The following KRT2 variants were observed in gnomAD, a reference collection of about 807,000 sequenced individuals.
KRT2 encodes the protein keratin 2.
Under a neutral mutation model 48.5 loss-of-function variants are expected in KRT2, and 37 were observed. The observed-to-expected ratio is 0.76, with a 90% CI of 0.59 to 1.00. The LOEUF (loss-of-function observed/expected upper bound fraction) is 1.00, where lower values mean the gene tolerates loss of function less well. Ranked by LOEUF, KRT2 falls within the 50% of genes least tolerant of loss-of-function variation. The pLI, the probability that KRT2 is intolerant of heterozygous loss-of-function variation, is 0.00. For missense variants in KRT2, 880 were observed against 815.2 expected, an observed-to-expected ratio of 1.08 and a Z score of -0.97; for synonymous variants, 324 against 312.2, an observed-to-expected ratio of 1.04 and a Z score of -0.40.
At position 52,649,857 on chromosome 12, in the gene KRT2, A is replaced by C. The variant is rs893294300; in HGVS notation, c.861+57T>G. 1.3e-5 allele frequency: 18 copies of C among 1,338,458 alleles called. 1 individual carries two copies. The South Asian group carries it at 2.1e-4, about 16-fold the overall frequency. 82.9% of individuals were successfully genotyped at this position (1,338,458 alleles called of 1,614,324 possible). On this transcript the variant is annotated intron_variant, in intron 3 of 8. Transcript: ENST00000309680. ...ATTTCCAAACTGGCTGCTTAGACAC[A>C]ATGGGGCTGTGAAGCACTCCTATCC... is the stretch of plus-strand genomic sequence containing the variant.
In KRT2 at chr12:52,647,748, G is replaced by A. The variant is rs753421351; in HGVS notation, c.1230C>T (p.Ile410=). 1.2e-5 allele frequency: 20 copies of A among 1,613,676 alleles called. 1 individual carries two copies. The highest frequency in any genetic ancestry group is 1.6e-4 in the Middle Eastern group (1 of 6,084). ...NRVIQRLQGE[I]AHVKKQCKNV... is the part of the protein sequence containing the mutation. ...GCCTCACCTGCTTCTTCACATGTGC[G>A]ATCTCCCCCTGCAGCCTCTGGATCA... Residue 410 remains isoleucine (I), a synonymous_variant, in exon 6 of 9, where the codon ATC becomes ATT. Transcript: ENST00000309680.
chr12:52,648,924 G>A (rs1941208424), intron 4 of KRT2, 83 bp downstream of exon 4: 2 of 916,514 alleles, frequency 2.2e-6, no homozygotes, highest in Non-Finnish European at 3.7e-6. Context: ...CCCCACTTCT[G>A]CCACTTTTTC....
intron 7 of KRT2, 88 bp from the exon 8 acceptor site, chr12:52,645,657 A>C: frequency 1.5e-6 from 2 of 1,376,326 alleles, no homozygotes; most frequent in South Asian, 2.3e-5. Context: ...GCAAATGTGC[A>C]GTTTAGCCTC....
intron 6 of KRT2, 93 bp from the exon 7 acceptor site, chr12:52,647,053 T>C (rs1592255631): frequency 8.4e-7 from 1 of 1,186,372 alleles, no homozygotes; most frequent in Non-Finnish European, 1.2e-6. Context: ...CCACTGGCCC[T>C]GGGAGTGTTA....
chr12:52,647,388 G>T (rs936833941), intron 6 of KRT2, among the ~76,000 whole-genome samples: 2 of 152,178 alleles, frequency 1.3e-5, no homozygotes, highest in Admixed American at 1.3e-4. Flanking sequence ...TGGTGCTCAG[G>T]GCCTGTGCTG....
intron 1 of KRT2, chr12:52,650,760 T>C: frequency 1.6e-6 from 1 of 626,346 alleles, no homozygotes; most frequent in Non-Finnish European, 2.9e-6. Flanking sequence ...TCCGGCTCTC[T>C]CCACGCAGAG....
In KRT2 at chr12:52,651,705, G is replaced by T. The variant is rs1941250300; in HGVS notation, c.438C>A (p.Tyr146Ter). 2 of 1,614,020 alleles carry T rather than the reference G, an allele frequency of 1.2e-6. No individual in the cohort carries two copies. The highest frequency in any genetic ancestry group is 3.3e-4 in the Middle Eastern group (2 of 6,062). Residue 146 changes from tyrosine to a stop codon, truncating the protein, a stop_gained, in exon 1 of 9, where the codon TAC becomes TAA. Coordinates refer to ENST00000309680, the MANE Select transcript of KRT2 (RefSeq NM_000423.3). LOFTEE classifies it high-confidence loss of function. The part of the protein sequence containing the change: ...GGPGGFGPGG[Y>*]PGGIHEVSVN... The stretch of plus-strand genomic sequence containing the variant: ...CAGAGACTTCGTGGATGCCACCAGG[G>T]TATCCTCCAGGCCCAAAGCCACCAG...
At chr12:52,646,679 T>C (rs1592255378) in intron 7 of KRT2, 61 bp downstream of exon 7, 4 of 1,588,340 alleles carry the variant, frequency 2.5e-6, no homozygotes, top group Non-Finnish European at 3.5e-6. Context: ...CCTCCAGCCC[T>C]GGCTCTGGGA....
Position 52,650,541 on chromosome 12 carries a change from C to A in KRT2, c.598G>T (p.Glu200Ter). ...GTCTGTAACACCTGGTTCTGCTGCT[C>A]CAAGAACCGCACCTGCCATGACCAG... is the stretch of plus-strand genomic sequence containing the variant. The part of the protein sequence containing the change: ...ASFIDKVRFL[E>*]QQNQVLQTKW... Residue 200 changes from glutamate (E) to a stop codon, truncating the protein, a stop_gained, in exon 2 of 9, where the codon GAG (glutamate) becomes TAG (stop). Coordinates refer to ENST00000309680, the MANE Select transcript of KRT2 (RefSeq NM_000423.3). LOFTEE classifies it high-confidence loss of function. 6.2e-7 allele frequency: 1 copy of A among 1,612,016 alleles called. No homozygotes were observed. Among genetic ancestry groups the A allele is most frequent in the South Asian group, 1.1e-5 (1 of 90,982 alleles).
At position 52,648,258 on chromosome 12, in the gene KRT2, TCCAAGTC is replaced by T; in HGVS notation, c.1030_1036del (p.Asp344IlefsTer35). 1 of 1,614,144 alleles carries T rather than the reference TCCAAGTC, an allele frequency of 6.2e-7. No homozygotes were observed. Among genetic ancestry groups the T allele is most frequent in the South Asian group, 1.1e-5 (1 of 91,080 alleles). The stretch of plus-strand genomic sequence containing the variant: ...GGCCTTGACCTCGGCGATGATGCTA[TCCAAGTC>T]CAGGTTGCGGCTGTTGTCCATGGAG... On this transcript the variant is annotated frameshift_variant, in exon 5 of 9. Transcript: ENST00000309680. LOFTEE classifies it high-confidence loss of function.
At chr12:52,651,295 G>T (rs1483431681) in intron 1 of KRT2, among the ~76,000 whole-genome samples, 2 of 152,088 alleles carry the variant, frequency 1.3e-5, no homozygotes, top group African/African-American at 2.4e-5. Flanking sequence ...CATTTTTTAT[G>T]GTTTTCAGAA....
At chr12:52,650,216 G>T (rs758266162) in intron 2 of KRT2, 123 bp downstream of exon 2, 11 of 895,512 alleles carry the variant, frequency 1.2e-5, no homozygotes, top group Non-Finnish European at 2.1e-5. Context: ...AATCAACAAA[G>T]ATACATATGC....
Position 52,650,434 on chromosome 12 carries a change from G to T in KRT2, c.705C>A (p.Ser235Arg), listed in dbSNP as rs756326811. Residue 235 changes from serine to arginine, a missense_variant, in exon 2 of 9, where the codon AGC becomes AGA. Transcript: ENST00000309680. ...TGAGCCCATCCAGATATCTCTTGAG[G>T]CTGTCGATATACCCCTGGAAGATGG... ...LEPIFQGYID[S>R]LKRYLDGLTA... 7 of 1,614,138 alleles carry T rather than the reference G, an allele frequency of 4.3e-6. No homozygotes were observed. Among genetic ancestry groups the T allele is most frequent in the East Asian group, 2.2e-5 (1 of 44,892 alleles).
chr12:52,650,201 C>G (rs1425193549), intron 2 of KRT2, 138 bp downstream of exon 2: 15 of 853,174 alleles, frequency 1.8e-5, no homozygotes, highest in Non-Finnish European at 2.6e-5. Flanking sequence ...GTCTTCCTCA[C>G]AAATAATCAA....
At chr12:52,646,717 T>G (rs1238177393) in intron 7 of KRT2, 23 bp downstream of exon 7, 2 of 1,612,434 alleles carry the variant, frequency 1.2e-6, no homozygotes, top group African/African-American at 1.3e-5. Context: ...CAGGGTCCCC[T>G]TCTCCCTTCC....
rs182397714 is a variant in KRT2, at chr12:52,649,924, G to A, written c.851C>T (p.Thr284Met). 33 of 1,613,234 alleles carry A rather than the reference G, an allele frequency of 2.0e-5. No homozygotes were observed. Among genetic ancestry groups the A allele is most frequent in the East Asian group, 1.8e-4 (8 of 44,874 alleles). Residue 284 changes from threonine (T) to methionine (M), a missense_variant, in exon 3 of 9, where the codon ACG becomes ATG. Physicochemically the swap from Thr to Met is moderately conservative, Grantham distance 81. Transcript: ENST00000309680. ...CATTCTCTCGCTCACCTTTTTAAGC[G>A]TCACAAAATCATTCTCAGCAGCTGT... ...KRTAAENDFV[T>M]LKKDVDNAYM...
Position 52,649,082 on chromosome 12 carries a change from C to A in KRT2, c.882G>T (p.Met294Ile). The A allele has an allele frequency of 1.2e-6, 2 of 1,612,534 alleles. No homozygotes were observed. Among genetic ancestry groups the A allele is most frequent in the South Asian group, 2.2e-5 (2 of 91,034 alleles). The change falls in exon 4 of 9, where the codon ATG becomes ATT. Residue 294 changes from methionine to isoleucine, a missense_variant. Met to Ile is a conservative substitution (Grantham distance 10, BLOSUM62 1). Transcript: ENST00000309680. Reference protein sequence around the residue: ...TLKKDVDNAYMIKVELQSKVD... With the variant: ...TLKKDVDNAYIIKVELQSKVD... Reference sequence around the variant, plus strand: ...CCTTGGACTGCAACTCCACCTTTATCATGTAGGCATTGTCCACGTCCTGCA... The same window carrying A: ...CCTTGGACTGCAACTCCACCTTTATAATGTAGGCATTGTCCACGTCCTGCA...
At chr12:52,647,708 G>C (rs61929583) in intron 6 of KRT2, 22 bp downstream of exon 6, 1 of 1,612,634 alleles carries the variant, frequency 6.2e-7, no homozygotes, top group Non-Finnish European at 8.5e-7. Context: ...CCCGCCCCTC[G>C]CTGGACAGGG....
intron 6 of KRT2, 88 bp downstream of exon 6, chr12:52,647,642 C>T: frequency 6.7e-7 from 1 of 1,489,478 alleles, no homozygotes; most frequent in Non-Finnish European, 9.2e-7. Context: ...TGTCTCTCAT[C>T]TCTCACATGC....
Sources: allele counts gnomAD v4.1 joint callset (sites outside exome capture counted in the v4.1 genomes callset), GRCh38; gene constraint gnomAD v4.1.1; transcripts MANE v1.5; gene names NCBI Gene and HGNC (gene_info 2026-07-23, HGNC 2026-07-21).